USP54: variants seen among roughly 807,000 people sequenced by gnomAD.
USP54 encodes the protein ubiquitin carboxyl-terminal hydrolase 54.
USP54 carries 87 observed loss-of-function variants against 170.5 expected under a neutral mutation model. That is an observed-to-expected ratio of 0.51 (90% confidence interval 0.43 to 0.61). The LOEUF (loss-of-function observed/expected upper bound fraction) is 0.61. Ranked by LOEUF, USP54 falls within the 20% of genes least tolerant of loss-of-function variation. USP54 has a pLI of 0.00. For missense variants in USP54, 1,786 were observed against 2,047.8 expected (o/e 0.87, Z 2.47); for synonymous variants, 655 against 742.8 (o/e 0.88, Z 1.92).
intron 1 of USP54, among the ~76,000 whole-genome samples, chr10:73,589,452 T>C (rs535542231): frequency 6.6e-6 from 1 of 152,318 alleles, no homozygotes; most frequent in South Asian, 2.1e-4. Flanking sequence ...GGCCCCTGGA[T>C]AGCAAAACAA....
chr10:73,610,874 A>G (rs2080086874), intron 1 of USP54, among the ~76,000 whole-genome samples: 1 of 152,168 alleles, frequency 6.6e-6, no homozygotes, highest in Non-Finnish European at 1.5e-5. Flanking sequence ...GCTACCACAC[A>G]GTGCCAAAAC....
chr10:73,554,066 C>T (rs1325120253), intron 4 of USP54, among the ~76,000 whole-genome samples: 1 of 152,158 alleles, frequency 6.6e-6, no homozygotes, highest in Non-Finnish European at 1.5e-5. Flanking sequence ...GTATTTTTCC[C>T]CTAAAACAGA....
intron 19 of USP54, 156 bp downstream of exon 19, chr10:73,519,641 G>T: frequency 1.8e-6 from 2 of 1,135,026 alleles, no homozygotes; most frequent in African/African-American, 1.6e-5. Context: ...AGTACAATGA[G>T]CTTTTCACTG....
In USP54 at chr10:73,509,437, AC is replaced by A. The variant is rs559266258; in HGVS notation, c.4052-4012del. ...GCCAACATAGTGAAACCCTGTCTCT[AC>A]CAAAAAAAAAAAAAAAAACAACAAA... is the stretch of plus-strand genomic sequence containing the variant. On this transcript the variant is annotated intron_variant, in intron 20 of 23. Transcript: ENST00000687698. Among the ~76,000 whole-genome samples the A allele has an allele frequency of 1.1e-3, 150 of 142,412 alleles. 1 individual carries two copies. Among genetic ancestry groups the A allele is most frequent in the African/African-American group, 3.4e-3 (128 of 37,740 alleles). The allele number at this position is 142,412 out of a possible 152,430, so 93.4% of individuals were successfully genotyped here.
At chr10:73,592,471 C>CAAAAAAAAAAAAAAAAAAAAAAA (rs367984467), upstream of USP54, among the ~76,000 whole-genome samples, 1 of 67,362 alleles carries the variant, frequency 1.5e-5, no homozygotes, top group African/African-American at 4.7e-5. Context: ...GAAAGTGCCA[C>CAAAAAAAAAAAAAAAAAAAAAAA]AAAAAAAAAA....
In USP54 at chr10:73,587,430, G is replaced by A. The variant is rs1589320651; in HGVS notation, c.-582+3848C>T. On this transcript the variant is annotated intron_variant, in intron 1 of 23. Transcript: ENST00000687698. ...GCGGAGCTTGCAGTGAGCCGAGACT[G>A]CGCCACTGCACTCCAGCCTGGGCAA... Among the ~76,000 whole-genome samples, 6 of 151,988 alleles carry A rather than the reference G, an allele frequency of 3.9e-5. 1 individual carries two copies. The highest frequency in any genetic ancestry group is 3.9e-4 in the Admixed American group (6 of 15,268).
chr10:73,559,553 T>C (rs1590383740), intron 4 of USP54, among the ~76,000 whole-genome samples: 3 of 111,316 alleles, frequency 2.7e-5, no homozygotes, highest in African/African-American at 7.3e-5. Context: ...AGAGCAAAAC[T>C]CCACCTAAAA....
rs1381272150 is a variant in USP54 at position 73,620,210 on chromosome 10, G to A, written c.-18+5357C>T. Among the ~76,000 whole-genome samples, 3 of 149,820 alleles carry A rather than the reference G, an allele frequency of 2.0e-5. 1 individual carries two copies. The highest frequency in any genetic ancestry group is 7.6e-5 in the African/African-American group (3 of 39,292). ...CGCCTGTAGTCCCAGCTACTCAGGA[G>A]GCTGAGACAGGAGAATTGCTTGAAC... On this transcript the variant is annotated intron_variant, in intron 1 of 22. Transcript: ENST00000339859.
rs2058916275 is a variant in USP54 at position 73,505,297 on chromosome 10, G to A, written c.4170+11C>T. 6.2e-7 allele frequency: 1 copy of A among 1,608,736 alleles called. No individual in the cohort carries two copies. Among genetic ancestry groups the A allele is most frequent in the Admixed American group, 1.7e-5 (1 of 59,784 alleles). The stretch of plus-strand genomic sequence containing the variant: ...CCCCAGGCCCAGCACCTTAGCACCT[G>A]AGGCTGCTACCTGAGAAGTACGCAC... On this transcript the variant is annotated intron_variant, in intron 21 of 23. Coordinates refer to ENST00000687698, the MANE Select transcript of USP54 (RefSeq NM_001391956.1).
rs1224801979 is a variant in USP54, at chr10:73,516,584, G to A, written c.3842C>T (p.Pro1281Leu). The A allele has an allele frequency of 1.9e-6, 3 of 1,614,188 alleles. No individual in the cohort carries two copies. The highest frequency in any genetic ancestry group is 2.5e-6 in the Non-Finnish European group (3 of 1,180,052). The change falls in exon 20 of 24, where the codon CCA becomes CTA. Residue 1281 changes from proline (P) to leucine (L), a missense_variant. Physicochemically the swap from Pro to Leu is moderately conservative, Grantham distance 98. This residue lies in a region of USP54 where 1,418 missense variants were observed against 1,569.0 expected (regional missense o/e 0.90). Coordinates refer to ENST00000687698, the MANE Select transcript of USP54 (RefSeq NM_001391956.1). ...DSQLKHGAPRPGMKSSPHDSH... is the reference protein window; with the variant it reads ...DSQLKHGAPRLGMKSSPHDSH... ...ATCATGAGGGGAGGACTTCATTCCT[G>A]GCCTAGGTGCCCCATGCTTAAGCTG...
chr10:73,524,606 C>T (rs1313292498), intron 16 of USP54, among the ~76,000 whole-genome samples: 1 of 152,008 alleles, frequency 6.6e-6, no homozygotes, highest in African/African-American at 2.4e-5. Flanking sequence ...ATAACAACAA[C>T]AACAACAACA....
At chr10:73,532,197 G>C (rs1206157822) in intron 12 of USP54, among the ~76,000 whole-genome samples, 1 of 151,736 alleles carries the variant, frequency 6.6e-6, no homozygotes, top group East Asian at 1.9e-4. Flanking sequence ...TTTTGAGACG[G>C]AGTCTCGCTC....
At chr10:73,526,431 G>C (rs2062872610) in intron 16 of USP54, among the ~76,000 whole-genome samples, 1 of 152,154 alleles carries the variant, frequency 6.6e-6, no homozygotes, top group Admixed American at 6.5e-5. Context: ...TATTTTAGTA[G>C]AGACGGGGTT....
Position 73,613,132 on chromosome 10 carries a change from C to CTT in USP54, c.-18+12433_-18+12434dup, listed in dbSNP as rs967595386. ...TGACCGTGCTACTGCATTCCAGCCT[C>CTT]TTTTTTTTTTTTTTTTTTTGGAGAT... On this transcript the variant is annotated intron_variant, in intron 1 of 22. Transcript: ENST00000339859. 1.3e-3 allele frequency among the ~76,000 whole-genome samples: 160 copies of CTT among 127,392 alleles called. 1 individual carries two copies. The highest frequency in any genetic ancestry group is 4.8e-3 in the East Asian group (22 of 4,540). 83.6% of individuals were successfully genotyped at this position (127,392 alleles called of 152,430 possible).
intron 3 of USP54, among the ~76,000 whole-genome samples, chr10:73,573,632 T>C (rs1468441195): frequency 6.6e-6 from 1 of 152,040 alleles, no homozygotes; most frequent in Non-Finnish European, 1.5e-5. Context: ...AGCGTGGTGG[T>C]GCACAGCCTG....
intron 23 of USP54, 131 bp from the exon 24 acceptor site, chr10:73,499,319 T>C (rs73272359): frequency 0.11 from 106,397 of 926,562 alleles, 12,046 homozygotes; most frequent in African/African-American, 0.46. Flanking sequence ...AAAGAATGAA[T>C]CAAGCTGTGC....
In USP54 at chr10:73,529,732, T is replaced by C; in HGVS notation, c.2008A>G (p.Ser670Gly). The change falls in exon 15 of 24, where the codon AGC (serine) becomes GGC (glycine). Residue 670 changes from serine to glycine, a missense_variant. This residue lies in a region of USP54 where 1,418 missense variants were observed against 1,569.0 expected (regional missense o/e 0.90). Coordinates refer to ENST00000687698, the MANE Select transcript of USP54 (RefSeq NM_001391956.1). ...SGYESSERNS[S>G]SPVSLDAALP... ...GCTGCATCCAGGCTGACAGGGCTGC[T>C]GCTGTTCCTCTCACTGCTTTCATAG... is the stretch of plus-strand genomic sequence containing the variant. 6.2e-7 allele frequency: 1 copy of C among 1,614,034 alleles called. No individual in the cohort carries two copies. The highest frequency in any genetic ancestry group is 8.5e-7 in the Non-Finnish European group (1 of 1,179,884).
At chr10:73,568,876 G>A (rs1482204602) in intron 4 of USP54, among the ~76,000 whole-genome samples, 1 of 152,200 alleles carries the variant, frequency 6.6e-6, no homozygotes, top group East Asian at 1.9e-4. Flanking sequence ...GTCTCAGAGG[G>A]TAAGTCTAGC....
upstream of USP54, among the ~76,000 whole-genome samples, chr10:73,593,375 TC>T (rs2078450509): frequency 1.1e-5 from 1 of 87,352 alleles, no homozygotes. Context: ...AGACCCTGTC[TC>T]AAAAAAAAAA....
Sources: gnomAD v4.1 joint callset for allele counts (sites outside exome capture counted in the v4.1 genomes callset) on GRCh38, gnomAD v4.1.1 for gene constraint, gnomAD v4.1.1 regional missense constraint, MANE v1.5 for transcripts, NCBI Gene and HGNC (gene_info 2026-07-23, HGNC 2026-07-21) for gene names.